CHRM3: variants seen among roughly 807,000 people sequenced by gnomAD.
CHRM3 encodes the protein muscarinic acetylcholine receptor M3.
CHRM3 carries 11 observed loss-of-function variants against 41.8 expected under a neutral mutation model. That is an observed-to-expected ratio of 0.26 (90% CI 0.17 to 0.44). The LOEUF is 0.44. Ranked by LOEUF, CHRM3 falls within the 20% of genes least tolerant of loss-of-function variation. The pLI, the probability that CHRM3 is intolerant of heterozygous loss-of-function variation, is 1.00. For missense variants in CHRM3, 571 were observed against 745.4 expected (o/e 0.77, Z 2.72); for synonymous variants, 297 against 301.4 (o/e 0.99, Z 0.15).
At chr1:239,893,781 C>T (rs1172626700) in intron 6 of CHRM3, among the ~76,000 whole-genome samples, 1 of 143,422 alleles carries the variant, frequency 7.0e-6, no homozygotes, top group Non-Finnish European at 1.5e-5. Flanking sequence ...CCTGAAAAAA[C>T]AATCGAAATC....
chr1:239,729,978 A>G (rs1000722542), intron 5 of CHRM3, among the ~76,000 whole-genome samples: 2 of 151,950 alleles, frequency 1.3e-5, no homozygotes, highest in East Asian at 1.9e-4. Context: ...CTTCATTTGT[A>G]TCAACCAAAA....
intron 3 of CHRM3, among the ~76,000 whole-genome samples, chr1:239,591,267 T>C (rs1338742173): frequency 6.6e-6 from 1 of 152,118 alleles, no homozygotes; most frequent in Non-Finnish European, 1.5e-5. Context: ...GCTTCTCTCC[T>C]GTGACACACG....
chr1:239,882,145 T>C (rs1457696944), intron 6 of CHRM3, among the ~76,000 whole-genome samples: 1 of 152,012 alleles, frequency 6.6e-6, no homozygotes, highest in Non-Finnish European at 1.5e-5. Context: ...TGAACTCAGG[T>C]GGTCTGCCTG....
At chr1:239,388,838 ATCTT>A (rs1658769793) in intron 1 of CHRM3, among the ~76,000 whole-genome samples, 1 of 152,222 alleles carries the variant, frequency 6.6e-6, no homozygotes, top group Admixed American at 6.5e-5. Context: ...CGAATAGTCT[ATCTT>A]TAGATTTTGT....
At chr1:239,425,009 C>T (rs781614167) in intron 1 of CHRM3, among the ~76,000 whole-genome samples, 76 of 152,206 alleles carry the variant, frequency 5.0e-4, no homozygotes, top group Non-Finnish European at 8.5e-4. Flanking sequence ...TGGATTCTGG[C>T]GGAGTGATTG....
rs1317811590 is a variant in CHRM3 at position 239,641,927 on chromosome 1, T to C, written c.-250+9641T>C. ...ACCGGTTGTTCCTTTCCGTGTTTAGTGCTTCCTTCAGGAGCTCTTTTAGGG... is the reference window on the plus strand; with the variant it reads ...ACCGGTTGTTCCTTTCCGTGTTTAGCGCTTCCTTCAGGAGCTCTTTTAGGG... On this transcript the variant is annotated intron_variant, in intron 4 of 6. Coordinates refer to ENST00000676153, the MANE Select transcript of CHRM3 (RefSeq NM_001375978.1). Among the ~76,000 whole-genome samples, 17 of 127,894 alleles carry C rather than the reference T, an allele frequency of 1.3e-4. 1 individual carries two copies. Among genetic ancestry groups the C allele is most frequent in the African/African-American group, 3.1e-4 (10 of 31,930 alleles). 83.9% of individuals were successfully genotyped at this position (127,894 alleles called of 152,430 possible). A position where few individuals can be genotyped will look rare whatever the true frequency, so the allele number is the denominator to read the frequency against.
chr1:239,429,455 A>G (rs553719892), intron 1 of CHRM3, among the ~76,000 whole-genome samples: 8 of 152,314 alleles, frequency 5.3e-5, no homozygotes, highest in Non-Finnish European at 1.0e-4. Context: ...GTGATTTACT[A>G]TAATTCTGTA....
At chr1:239,480,541 C>A in intron 1 of CHRM3, among the ~76,000 whole-genome samples, 1 of 143,578 alleles carries the variant, frequency 7.0e-6, no homozygotes, top group Non-Finnish European at 1.5e-5. Flanking sequence ...TACGATAGCC[C>A]AATTTTTTTT....
chr1:239,875,986 A>G (rs1180740833), intron 6 of CHRM3, among the ~76,000 whole-genome samples: 1 of 152,186 alleles, frequency 6.6e-6, no homozygotes, highest in East Asian at 1.9e-4. Flanking sequence ...CTTATAATAG[A>G]CTACACCTCA....
At chr1:239,784,119 T>C (rs1231635406) in intron 5 of CHRM3, among the ~76,000 whole-genome samples, 2 of 152,222 alleles carry the variant, frequency 1.3e-5, no homozygotes, top group African/African-American at 2.4e-5. Context: ...AGATGCTTTC[T>C]TGTAAAGTTT....
chr1:239,764,711 T>C (rs142127349), intron 5 of CHRM3, among the ~76,000 whole-genome samples: 2 of 152,352 alleles, frequency 1.3e-5, no homozygotes, highest in East Asian at 3.9e-4. Context: ...AATGAGCTGA[T>C]AAATTCAGCT....
intron 5 of CHRM3, among the ~76,000 whole-genome samples, chr1:239,793,741 C>CT (rs1250677918): frequency 1.4e-5 from 2 of 147,456 alleles, no homozygotes; most frequent in African/African-American, 5.0e-5. Flanking sequence ...GAAATTCTGA[C>CT]TTTATCACAA....
chr1:239,893,973 C>T (rs1351490093), intron 6 of CHRM3, among the ~76,000 whole-genome samples: 1 of 152,082 alleles, frequency 6.6e-6, no homozygotes, highest in East Asian at 1.9e-4. Flanking sequence ...TCTCCTTCTT[C>T]TTCGTCAGTA....
At chr1:239,727,433 T>G (rs981635375) in intron 5 of CHRM3, among the ~76,000 whole-genome samples, 1 of 151,982 alleles carries the variant, frequency 6.6e-6, no homozygotes, top group South Asian at 2.1e-4. Context: ...AAAGTCTCTA[T>G]ATAATTTTAA....
intron 1 of CHRM3, among the ~76,000 whole-genome samples, chr1:239,435,872 T>A (rs1214353298): frequency 6.6e-6 from 1 of 152,172 alleles, no homozygotes; most frequent in Admixed American, 6.5e-5. Context: ...GAGGATCACA[T>A]TTCTCTGCTC....
At chr1:239,424,298 C>T (rs1362823979) in intron 1 of CHRM3, among the ~76,000 whole-genome samples, 1 of 151,306 alleles carries the variant, frequency 6.6e-6, no homozygotes, top group East Asian at 1.9e-4. Flanking sequence ...GTCCCAAACA[C>T]AGGGTCTAGA....
At chr1:239,402,521 C>T (rs1235845445) in intron 1 of CHRM3, among the ~76,000 whole-genome samples, 1 of 152,170 alleles carries the variant, frequency 6.6e-6, no homozygotes, top group Non-Finnish European at 1.5e-5. Context: ...TTCCATCTCC[C>T]TTTCCCCGCT....
chr1:239,608,831 G>A (rs908512800), intron 3 of CHRM3, among the ~76,000 whole-genome samples: 17 of 152,028 alleles, frequency 1.1e-4, no homozygotes, highest in Admixed American at 2.6e-4. Context: ...TAGATTAAAC[G>A]TATTATATAT....
intron 5 of CHRM3, among the ~76,000 whole-genome samples, chr1:239,731,472 TG>T (rs1663959215): frequency 6.6e-6 from 1 of 152,050 alleles, no homozygotes; most frequent in Non-Finnish European, 1.5e-5. Context: ...TGTTCATAAC[TG>T]AAGAATTCAG....
Sources: gnomAD v4.1 joint callset for allele counts (sites outside exome capture counted in the v4.1 genomes callset) on GRCh38, gnomAD v4.1.1 for gene constraint, MANE v1.5 for transcripts, NCBI Gene and HGNC (gene_info 2026-07-23, HGNC 2026-07-21) for gene names.